The following ILRUN variants were observed in gnomAD, a reference collection of about 807,000 sequenced individuals.
ILRUN encodes protein ILRUN.
Under a neutral mutation model 33.8 loss-of-function variants are expected in ILRUN, and 3 were observed. The ratio of observed to expected loss-of-function variants is 0.09; its 90% CI spans 0.04 to 0.23. ILRUN has a LOEUF of 0.23. Ranked by LOEUF, ILRUN falls within the 10% of genes least tolerant of loss-of-function variation. The pLI, the probability that ILRUN is intolerant of heterozygous loss-of-function variation, is 1.00. For missense variants in ILRUN, 210 were observed against 375.1 expected (o/e 0.56, Z 3.64); for synonymous variants, 124 against 138.9 (o/e 0.89, Z 0.75).
At chr6:34,679,293 A>T (rs1258362519) in intron 1 of ILRUN, among the ~76,000 whole-genome samples, 2 of 152,218 alleles carry the variant, frequency 1.3e-5, no homozygotes, top group African/African-American at 4.8e-5. Context: ...GCAGAAATAC[A>T]AATGCGTCCA....
intron 1 of ILRUN, among the ~76,000 whole-genome samples, chr6:34,694,185 T>TA (rs1562038577): frequency 6.6e-6 from 1 of 152,188 alleles, no homozygotes; most frequent in African/African-American, 2.4e-5. Context: ...AGAAAAATCT[T>TA]AGACATTAAA....
intron 3 of ILRUN, among the ~76,000 whole-genome samples, chr6:34,612,409 T>TCTAAGCCTC (rs1284249713): frequency 4.0e-5 from 6 of 151,400 alleles, no homozygotes; most frequent in Non-Finnish European, 8.8e-5. Context: ...TGAGACCCTG[T>TCTAAGCCTC]CTCAAAAAAT....
intron 4 of ILRUN, among the ~76,000 whole-genome samples, chr6:34,599,021 AAATG>A (rs1761456576): frequency 6.6e-6 from 1 of 152,208 alleles, no homozygotes; most frequent in Non-Finnish European, 1.5e-5. Context: ...CAGTTCCCAC[AAATG>A]AATGAAGAGG....
intron 3 of ILRUN, among the ~76,000 whole-genome samples, chr6:34,637,382 T>A (rs186385909): frequency 6.6e-6 from 1 of 152,308 alleles, no homozygotes. Context: ...AGAATTGTAC[T>A]TGATTTTAAG....
In ILRUN at chr6:34,646,848, T is replaced by C. The variant is rs1762572098; in HGVS notation, c.314-50A>G. On this transcript the variant is annotated intron_variant, in intron 2 of 4. Transcript: ENST00000374023. This position sits in a 1 kb window ranked among gnomAD's most constrained non-coding sequence, Gnocchi z 4.9. ...TGTTAGGCAATCAATGGTCCTATGC[T>C]GGGTGCAGTTTATTATGAAACTGTA... 6.4e-7 allele frequency: 1 copy of C among 1,555,284 alleles called. No individual in the cohort carries two copies. Among genetic ancestry groups the C allele is most frequent in the South Asian group, 1.1e-5 (1 of 89,826 alleles).
rs374255230 is a variant in ILRUN, at chr6:34,693,816, C to A, written c.158+2630G>T. Reference sequence around the variant, plus strand: ...CTCAAATACAAGTTTTATAATCCAACTATATTTTTAATTTTTTTTTTTGAG... The same window carrying A: ...CTCAAATACAAGTTTTATAATCCAAATATATTTTTAATTTTTTTTTTTGAG... On this transcript the variant is annotated intron_variant, in intron 1 of 4. Coordinates refer to ENST00000374023, the MANE Select transcript of ILRUN (RefSeq NM_024294.4). Among the ~76,000 whole-genome samples the A allele has an allele frequency of 1.6e-4, 25 of 151,874 alleles. No homozygotes were observed. In the East Asian group the frequency reaches 4.4e-3, roughly 27 times the overall value.
intron 1 of ILRUN, among the ~76,000 whole-genome samples, chr6:34,673,045 C>T (rs150353491): frequency 3.2e-4 from 49 of 152,258 alleles, no homozygotes; most frequent in African/African-American, 1.1e-3. Flanking sequence ...GCTGAAAACA[C>T]AAGACAAAGG....
chr6:34,666,538 T>C lies in ILRUN; in HGVS notation c.159-11759A>G, dbSNP rs562329991. 1.5e-3 allele frequency among the ~76,000 whole-genome samples: 231 copies of C among 152,236 alleles called. 2 individuals carry two copies. The highest frequency in any genetic ancestry group is 3.4e-3 in the Middle Eastern group (1 of 294). Reference sequence around the variant, plus strand: ...ATTGCGCCATTGCACTCCTCCAGCCTGGGCAACAAGAGCGAAACTCCATCT... The same window carrying C: ...ATTGCGCCATTGCACTCCTCCAGCCCGGGCAACAAGAGCGAAACTCCATCT... On this transcript the variant is annotated intron_variant, in intron 1 of 4. Coordinates refer to ENST00000374023, the MANE Select transcript of ILRUN (RefSeq NM_024294.4).
At chr6:34,633,922 A>AGGGAGGGAGGGAGGGAGGG (rs1582064229) in intron 3 of ILRUN, among the ~76,000 whole-genome samples, 1 of 134,922 alleles carries the variant, frequency 7.4e-6, no homozygotes. Flanking sequence ...GGAGGGAGGG[A>AGGGAGGGAGGGAGGGAGGG]ATGAAATCAT....
intron 3 of ILRUN, among the ~76,000 whole-genome samples, chr6:34,610,166 A>AAAAAAG (rs888544802): frequency 3.9e-5 from 6 of 152,176 alleles, no homozygotes; most frequent in East Asian, 1.9e-4. Flanking sequence ...GTCTCAAAAA[A>AAAAAAG]AAAAAGAAAA....
intron 1 of ILRUN, among the ~76,000 whole-genome samples, chr6:34,692,443 A>AT (rs1194374828): frequency 3.3e-5 from 5 of 152,210 alleles, no homozygotes; most frequent in East Asian, 1.9e-4. Flanking sequence ...AAGTTGAGAG[A>AT]TTTTTTTGTC....
At chr6:34,658,910 A>G (rs1299124340) in intron 1 of ILRUN, among the ~76,000 whole-genome samples, 1 of 152,202 alleles carries the variant, frequency 6.6e-6, no homozygotes, top group African/African-American at 2.4e-5. Flanking sequence ...TCATCTGCAA[A>G]ACTGAGTTGA....
chr6:34,621,706 C>A (rs549172913), intron 3 of ILRUN, among the ~76,000 whole-genome samples: 1 of 151,838 alleles, frequency 6.6e-6, no homozygotes, highest in Non-Finnish European at 1.5e-5. Flanking sequence ...ACTAAAAATA[C>A]AAAAAATTAG....
chr6:34,676,153 G>C (rs928328514), intron 1 of ILRUN, among the ~76,000 whole-genome samples: 3 of 152,058 alleles, frequency 2.0e-5, no homozygotes, highest in African/African-American at 7.2e-5. Flanking sequence ...GCTCATCCCA[G>C]TAACTCCAGC....
At chr6:34,654,867 G>C (rs1762738841) in intron 1 of ILRUN, 88 bp from the exon 2 acceptor site, 2 of 1,333,876 alleles carry the variant, frequency 1.5e-6, no homozygotes, top group Non-Finnish European at 2.0e-6. Context: ...CTGTTTCTTA[G>C]GGTTTGTCAC....
At position 34,660,549 on chromosome 6, in the gene ILRUN, T is replaced by C. The variant is rs1762867623; in HGVS notation, c.159-5770A>G. ...AACAGCATCTTAGGGCTTCAAGACA[T>C]TGTTATCCTGAACCACAAGGGGTTT... On this transcript the variant is annotated intron_variant, in intron 1 of 4. Transcript: ENST00000374023. 2.6e-5 allele frequency among the ~76,000 whole-genome samples: 4 copies of C among 152,106 alleles called. No homozygotes were observed. The South Asian group carries it at 8.3e-4, about 32-fold the overall frequency.
intron 3 of ILRUN, among the ~76,000 whole-genome samples, chr6:34,609,843 T>C (rs1267445791): frequency 6.6e-6 from 1 of 152,072 alleles, no homozygotes; most frequent in Non-Finnish European, 1.5e-5. Context: ...GAATGTACAT[T>C]CATTCCAGAT....
rs1451602188 is a variant in ILRUN, at chr6:34,683,453, C to CAT, written c.158+12991_158+12992dup. On this transcript the variant is annotated intron_variant, in intron 1 of 4. Coordinates refer to ENST00000374023, the MANE Select transcript of ILRUN (RefSeq NM_024294.4). The stretch of plus-strand genomic sequence containing the variant: ...ACATATATATATACATATATATATA[C>CAT]ATATATATACATATATATACACATA... Among the ~76,000 whole-genome samples, 478 of 96,350 alleles carry CAT rather than the reference C, an allele frequency of 5.0e-3. 3 individuals carry two copies. The highest frequency in any genetic ancestry group is 6.7e-3 in the Middle Eastern group (1 of 150). The allele number at this position is 96,350 out of a possible 152,430, so 63.2% of individuals were successfully genotyped here. A position where few individuals can be genotyped will look rare whatever the true frequency, so the allele number is the denominator to read the frequency against.
chr6:34,601,701 A>C (rs1582033964), intron 4 of ILRUN, among the ~76,000 whole-genome samples: 2 of 145,650 alleles, frequency 1.4e-5, no homozygotes, highest in African/African-American at 5.0e-5. Context: ...CTCCTCCAGT[A>C]CCCGCCCCCC....
Sources: allele counts gnomAD v4.1 joint callset (sites outside exome capture counted in the v4.1 genomes callset), GRCh38; gene constraint gnomAD v4.1.1; non-coding constraint Gnocchi (gnomAD v3.1); transcripts MANE v1.5; gene names NCBI Gene and HGNC (gene_info 2026-07-23, HGNC 2026-07-21).